KIF1A: variants seen among roughly 807,000 people sequenced by gnomAD.
KIF1A encodes kinesin-like protein KIF1A.
A neutral mutation model predicts 227.3 loss-of-function variants in KIF1A; 46 were observed. The ratio of observed to expected loss-of-function variants is 0.20; its 90% CI spans 0.16 to 0.26. The LOEUF (loss-of-function observed/expected upper bound fraction) is 0.26, where lower values mean the gene tolerates loss of function less well. KIF1A is among the 10% of genes least tolerant of loss of function. The probability of loss-of-function intolerance (pLI) is 1.00; values close to 1 mark genes in which losing one functional copy is unlikely to be tolerated. For synonymous variants in KIF1A, 1,022 were observed against 1,012.8 expected (o/e 1.01, Z -0.17); for missense variants, 1,683 against 2,485.9 (o/e 0.68, Z 6.87).
At position 240,778,911 on chromosome 2, in the gene KIF1A, C is replaced by G. The variant is rs1331834337; in HGVS notation, c.883-2985G>C. ...CGGGTGCACACACACTTTCCACACA[C>G]TTCCTCAGGCCATTCGCCCGTGTGC... On this transcript the variant is annotated intron_variant, in intron 10 of 48. Coordinates refer to ENST00000498729, the MANE Select transcript of KIF1A (RefSeq NM_001244008.2). The surrounding 1 kb of genome is among the most constrained non-coding windows in gnomAD (Gnocchi z 7.2). Among the ~76,000 whole-genome samples, 2 of 152,132 alleles carry G rather than the reference C, an allele frequency of 1.3e-5. No homozygotes were observed. The highest frequency in any genetic ancestry group is 1.9e-4 in the East Asian group (1 of 5,178).
intron 10 of KIF1A, among the ~76,000 whole-genome samples, chr2:240,777,614 A>G (rs1431181501): frequency 1.3e-5 from 2 of 152,136 alleles, no homozygotes; most frequent in Non-Finnish European, 2.9e-5. Flanking sequence ...GCACCAGGCC[A>G]CCTGCTCCCG....
Position 240,776,027 on chromosome 2 carries a change from A to T in KIF1A, c.883-101T>A, listed in dbSNP as rs2052684534. On this transcript the variant is annotated intron_variant, in intron 10 of 48. Coordinates refer to ENST00000498729, the MANE Select transcript of KIF1A (RefSeq NM_001244008.2). Reference sequence around the variant, plus strand: ...CTGCCAAGTGGGTCCTCAAAGCTGGAGGCTGGGCAAGGGGCGGGGCCCGCT... The same window carrying T: ...CTGCCAAGTGGGTCCTCAAAGCTGGTGGCTGGGCAAGGGGCGGGGCCCGCT... 5.0e-6 allele frequency: 4 copies of T among 805,252 alleles called. No individual in the cohort carries two copies. The South Asian group carries it at 5.7e-5, about 12-fold the overall frequency. 49.9% of individuals were successfully genotyped at this position (805,252 alleles called of 1,614,324 possible).
intron 1 of KIF1A, among the ~76,000 whole-genome samples, chr2:240,814,009 A>G (rs1252804631): frequency 6.6e-6 from 1 of 152,186 alleles, no homozygotes; most frequent in African/African-American, 2.4e-5. Context: ...AATGTAAGAG[A>G]TGAAGTACAA....
intron 17 of KIF1A, among the ~76,000 whole-genome samples, chr2:240,768,832 C>A (rs1372079053): frequency 6.6e-6 from 1 of 152,206 alleles, no homozygotes; most frequent in Non-Finnish European, 1.5e-5. Context: ...CAGTCTCCAG[C>A]CTGGGTGTTG....
At chr2:240,721,925 C>A in intron 43 of KIF1A, 41 bp from the exon 44 acceptor site, 3 of 1,528,002 alleles carry the variant, frequency 2.0e-6, no homozygotes, top group Non-Finnish European at 2.7e-6. Flanking sequence ...CCAGGCCTCC[C>A]GGGACCCTGC....
intron 12 of KIF1A, 90 bp from the exon 13 acceptor site, chr2:240,773,346 G>A: frequency 2.6e-6 from 4 of 1,521,006 alleles, no homozygotes; most frequent in South Asian, 1.2e-5. Context: ...CCAAGACCCA[G>A]CCTTTTGGGC....
intron 1 of KIF1A, among the ~76,000 whole-genome samples, chr2:240,812,812 ACCTTCACCTCAGGGATCAG>A (rs1259736146): frequency 8.1e-6 from 1 of 123,040 alleles, no homozygotes; most frequent in African/African-American, 3.2e-5. Context: ...CTCAAGATCC[ACCTTCACCTCAGGGATCAG>A]CCTTCACCTC....
intron 42 of KIF1A, 127 bp from the exon 43 acceptor site, chr2:240,722,783 C>T (rs2125599702): frequency 1.4e-6 from 1 of 717,034 alleles, no homozygotes; most frequent in South Asian, 2.1e-5. Context: ...TGGGCTAAGA[C>T]TGAAGACTGA....
At chr2:240,731,732 G>C (rs553424135) in intron 38 of KIF1A, among the ~76,000 whole-genome samples, 1 of 152,272 alleles carries the variant, frequency 6.6e-6, no homozygotes, top group East Asian at 1.9e-4. Flanking sequence ...TCCCCACTGG[G>C]AAGACCCCCA....
chr2:240,773,123 T>A lies in KIF1A; in HGVS notation c.1171A>T (p.Ile391Phe). 1 of 1,612,658 alleles carries A rather than the reference T, an allele frequency of 6.2e-7. No individual in the cohort carries two copies. Among genetic ancestry groups the A allele is most frequent in the Non-Finnish European group, 8.5e-7 (1 of 1,179,338 alleles). ...DLLYAQGLGD[I>F]TDTNTVPGGP... ...TGGAGCAGGCACTCACTGTCAGTGA[T>A]GTCGCCAAGACCCTGGGCGTACAGA... is the stretch of plus-strand genomic sequence containing the variant. Residue 391 changes from isoleucine (I) to phenylalanine (F), a missense_variant, in exon 13 of 49, where the codon ATC (isoleucine) becomes TTC (phenylalanine). Ile to Phe is a conservative substitution (Grantham distance 21, BLOSUM62 0). This residue lies in a region of KIF1A where 110 missense variants were observed against 133.1 expected (regional missense o/e 0.83). Transcript: ENST00000498729.
At position 240,747,248 on chromosome 2, in the gene KIF1A, C is replaced by G; in HGVS notation, c.3051G>C (p.Gln1017His). The change falls in exon 29 of 49, where the codon CAG (glutamine) becomes CAC (histidine). Residue 1017 changes from glutamine to histidine, a missense_variant. By Grantham distance (24) the Gln-to-His change is conservative. Around this residue, in one of 12 missense-constraint regions of KIF1A, gnomAD observed 759 missense variants for 1,020.2 expected, o/e 0.74. Transcript: ENST00000498729. ...GGGAGCTTGGTACCTTTTCAAAATGCTGGTCATCAAAGGAGATTTTAGCAG... is the reference window on the plus strand; with the variant it reads ...GGGAGCTTGGTACCTTTTCAAAATGGTGGTCATCAAAGGAGATTTTAGCAG... Reference protein sequence around the residue: ...SGTAKISFDDQHFEKFQSESC... With the variant: ...SGTAKISFDDHHFEKFQSESC... The G allele has an allele frequency of 6.2e-7, 1 of 1,613,290 alleles. No individual in the cohort carries two copies. The highest frequency in any genetic ancestry group is 1.3e-5 in the African/African-American group (1 of 75,022).
At chr2:240,791,049 G>A (rs1258673853) in intron 2 of KIF1A, among the ~76,000 whole-genome samples, 2 of 151,938 alleles carry the variant, frequency 1.3e-5, no homozygotes, top group Admixed American at 6.5e-5. Context: ...CCCATCCCAG[G>A]CCTGAGGATT....
At position 240,788,515 on chromosome 2, in the gene KIF1A, G is replaced by T. The variant is rs2055228506; in HGVS notation, c.184-285C>A. 6.6e-6 allele frequency among the ~76,000 whole-genome samples: 1 copy of T among 152,182 alleles called. No homozygotes were observed. The highest frequency in any genetic ancestry group is 2.4e-5 in the African/African-American group (1 of 41,440). ...AAAGGCCCAGAGGTGAGACCTCAAA[G>T]CCAAAGTAAGTTCCATGTGACCGTG... On this transcript the variant is annotated intron_variant, in intron 3 of 48. Transcript: ENST00000498729. This position sits in a 1 kb window ranked among gnomAD's most constrained non-coding sequence, Gnocchi z 6.6.
chr2:240,799,411 A>G (rs546528579), intron 1 of KIF1A, among the ~76,000 whole-genome samples: 1 of 152,284 alleles, frequency 6.6e-6, no homozygotes, highest in East Asian at 1.9e-4. Flanking sequence ...CAGAGGCTAC[A>G]GGGGAGGGGG....
At position 240,804,189 on chromosome 2, in the gene KIF1A, C is replaced by G. The variant is rs112575395; in HGVS notation, c.-60-6377G>C. Among the ~76,000 whole-genome samples, 267 of 152,310 alleles carry G rather than the reference C, an allele frequency of 1.8e-3. 1 individual carries two copies. The highest frequency in any genetic ancestry group is 5.4e-3 in the African/African-American group (223 of 41,558). ...GCTGACACAGGAGAATTGCTTGAACCTGGGAAGCAGAGGTTGCAGTGAGCC... is the reference window on the plus strand; with the variant it reads ...GCTGACACAGGAGAATTGCTTGAACGTGGGAAGCAGAGGTTGCAGTGAGCC... On this transcript the variant is annotated intron_variant, in intron 1 of 48. Transcript: ENST00000498729.
rs750320422 is a variant in KIF1A, at chr2:240,788,144, G to A, written c.270C>T (p.Asn90=). The change falls in exon 4 of 49, where the codon AAC becomes AAT. Residue 90 remains asparagine (N), a synonymous_variant. Transcript: ENST00000498729. This position sits in a 1 kb window ranked among gnomAD's most constrained non-coding sequence, Gnocchi z 6.6. ...EMLQHAFEGY[N]VCIFAYGQTG... ...TCTGCCCATAGGCGAAGATGCACAC[G>A]TTGTATCCCTCAAAGGCATGCTGCA... 1.9e-5 allele frequency: 31 copies of A among 1,612,408 alleles called. No individual in the cohort carries two copies. Among genetic ancestry groups the A allele is most frequent in the East Asian group, 1.3e-4 (6 of 44,810 alleles).
intron 38 of KIF1A, among the ~76,000 whole-genome samples, chr2:240,729,957 G>A (rs2046419192): frequency 6.6e-6 from 1 of 152,218 alleles, no homozygotes; most frequent in Non-Finnish European, 1.5e-5. Context: ...GTCAGCCCCA[G>A]AGGCTTCCCA....
chr2:240,766,253 G>A lies in KIF1A; in HGVS notation c.1685-460C>T, dbSNP rs1431302627. Among the ~76,000 whole-genome samples the A allele has an allele frequency of 6.6e-6, 1 of 152,244 alleles. No individual in the cohort carries two copies. Among genetic ancestry groups the A allele is most frequent in the Non-Finnish European group, 1.5e-5 (1 of 68,044 alleles). Reference sequence around the variant, plus strand: ...GACAGTGGGTGTCAGTCACAGGTCTGCAGGCCAGAGGCTGGCTGGATGCTG... The same window carrying A: ...GACAGTGGGTGTCAGTCACAGGTCTACAGGCCAGAGGCTGGCTGGATGCTG... On this transcript the variant is annotated intron_variant, in intron 19 of 48. Transcript: ENST00000498729. This position sits in a 1 kb window ranked among gnomAD's most constrained non-coding sequence, Gnocchi z 5.0.
intron 1 of KIF1A, among the ~76,000 whole-genome samples, chr2:240,803,824 T>C (rs1254745080): frequency 6.6e-6 from 1 of 152,242 alleles, no homozygotes; most frequent in African/African-American, 2.4e-5. Flanking sequence ...TGTTTGATTG[T>C]TCTACACTGT....
Sources: gnomAD v4.1 joint callset for allele counts (sites outside exome capture counted in the v4.1 genomes callset) on GRCh38, gnomAD v4.1.1 for gene constraint, gnomAD v4.1.1 regional missense constraint, Gnocchi (gnomAD v3.1) non-coding constraint, MANE v1.5 for transcripts, NCBI Gene and HGNC (gene_info 2026-07-23, HGNC 2026-07-21) for gene names.